The following CHD8 variants were observed in gnomAD, a reference collection of about 807,000 sequenced individuals.
CHD8 encodes ATP-dependent chromatin remodeler CHD8.
Under a neutral mutation model 279.2 loss-of-function variants are expected in CHD8, and 31 were observed. The ratio of observed to expected loss-of-function variants is 0.11; its 90% CI spans 0.08 to 0.15. The LOEUF (loss-of-function observed/expected upper bound fraction) is 0.15. Ranked by LOEUF, CHD8 falls within the 10% of genes least tolerant of loss-of-function variation. CHD8 has a pLI of 1.00. For missense variants in CHD8, 2,146 were observed against 3,230.5 expected, an observed-to-expected ratio of 0.66 and a Z score of 8.14; for synonymous variants, 1,081 against 1,139.6, an observed-to-expected ratio of 0.95 and a Z score of 1.04.
Position 21,402,367 on chromosome 14 carries a change from G to C in CHD8, c.3851C>G (p.Ser1284Cys). Residue 1284 changes from serine (S) to cysteine (C), a missense_variant, in exon 19 of 38, where the codon TCC (serine) becomes TGC (cysteine). Coordinates refer to ENST00000646647, the MANE Select transcript of CHD8 (RefSeq NM_001170629.2). This position sits in a 1 kb window ranked among gnomAD's most constrained non-coding sequence, Gnocchi z 4.5. ...KLGLDKAVLQ[S>C]MSGRDGNITG... Reference sequence around the variant, plus strand: ...AATGTTGCCATCCCGACCACTCATGGATTGAAGCACAGCCTTATCCAACCC... The same window carrying C: ...AATGTTGCCATCCCGACCACTCATGCATTGAAGCACAGCCTTATCCAACCC... 1 of 1,613,966 alleles carries C rather than the reference G, an allele frequency of 6.2e-7. No homozygotes were observed. Among genetic ancestry groups the C allele is most frequent in the Non-Finnish European group, 8.5e-7 (1 of 1,179,906 alleles).
intron 1 of CHD8, among the ~76,000 whole-genome samples, chr14:21,441,626 T>G (rs2149747): frequency 3.9e-5 from 6 of 152,000 alleles, no homozygotes; most frequent in Non-Finnish European, 7.4e-5. Context: ...TGGTGGCTCA[T>G]GCCTGTAATC....
intron 30 of CHD8, 147 bp downstream of exon 30, chr14:21,394,765 G>T (rs1437571670): frequency 2.5e-6 from 2 of 796,628 alleles, no homozygotes; most frequent in Non-Finnish European, 2.0e-6. Flanking sequence ...TGCAAGTGAG[G>T]TTTTAATTTC....
chr14:21,395,149 A>G, intron 29 of CHD8, 30 bp from the exon 30 acceptor site: 1 of 1,601,886 alleles, frequency 6.2e-7, no homozygotes, highest in Non-Finnish European at 8.5e-7. Context: ...ATGAATAGGA[A>G]GTATAGCAAG....
intron 1 of CHD8, among the ~76,000 whole-genome samples, chr14:21,450,698 G>GT (rs1481893558): frequency 6.6e-6 from 1 of 151,620 alleles, no homozygotes; most frequent in African/African-American, 2.4e-5. Flanking sequence ...AAAAAAAAGC[G>GT]TAAGACCTTA....
In CHD8 at chr14:21,415,810, G is replaced by A; in HGVS notation, c.1814C>T (p.Thr605Ile). Reference sequence around the variant, plus strand: ...GATAGGCTCAGGTTTTATTGGACCAGTTACATCCACCTCTTCTTCTTCTTC... The same window carrying A: ...GATAGGCTCAGGTTTTATTGGACCAATTACATCCACCTCTTCTTCTTCTTC... Reference protein sequence around the residue: ...DDEEEEEVDVTGPIKPEPILP... With the variant: ...DDEEEEEVDVIGPIKPEPILP... The change falls in exon 6 of 38, where the codon ACT becomes ATT. Residue 605 changes from threonine to isoleucine, a missense_variant. Coordinates refer to ENST00000646647, the MANE Select transcript of CHD8 (RefSeq NM_001170629.2). 1 of 1,613,896 alleles carries A rather than the reference G, an allele frequency of 6.2e-7. No individual in the cohort carries two copies. The highest frequency in any genetic ancestry group is 8.5e-7 in the Non-Finnish European group (1 of 1,179,832).
At chr14:21,414,256 G>A in intron 9 of CHD8, 45 bp downstream of exon 9, 1 of 963,208 alleles carries the variant, frequency 1.0e-6, no homozygotes, top group Non-Finnish European at 1.6e-6. Flanking sequence ...CCAGTAATTT[G>A]TGCTTCTGTG....
intron 4 of CHD8, chr14:21,427,590 G>T: frequency 1.4e-6 from 2 of 1,430,254 alleles, no homozygotes; most frequent in African/African-American, 2.8e-5. Context: ...ACAGTAGCAA[G>T]GAGCACTCAC....
At chr14:21,407,544 C>T (rs1888302137) in intron 13 of CHD8, among the ~76,000 whole-genome samples, 1 of 152,046 alleles carries the variant, frequency 6.6e-6, no homozygotes, top group Admixed American at 6.5e-5. Context: ...CAATAAAATT[C>T]ATGTTAATAC....
intron 37 of CHD8, among the ~76,000 whole-genome samples, chr14:21,388,032 A>G (rs187261346): frequency 2.8e-4 from 43 of 152,288 alleles, no homozygotes; most frequent in Non-Finnish European, 4.7e-4. Context: ...CCTTTCCCAT[A>G]TCAACCATTC....
intron 5 of CHD8, chr14:21,419,872 C>T: frequency 1.7e-5 from 6 of 357,986 alleles, no homozygotes; most frequent in Non-Finnish European, 3.4e-5. Flanking sequence ...GATGAGCCCC[C>T]AAAAGAAGCC....
chr14:21,391,826 C>T lies in CHD8; in HGVS notation c.6885+7G>A. 5 of 1,594,586 alleles carry T rather than the reference C, an allele frequency of 3.1e-6. No homozygotes were observed. Among genetic ancestry groups the T allele is most frequent in the Non-Finnish European group, 4.3e-6 (5 of 1,162,162 alleles). ...TCGTCAGGTTAAAGACTTTCTCTAC[C>T]ACTCACCTCTACTAGCTTCTTTCTG... On this transcript the variant is annotated splice_region_variant and intron_variant, in intron 35 of 37. Transcript: ENST00000646647.
intron 3 of CHD8, 108 bp from the exon 4 acceptor site, chr14:21,428,362 G>C (rs979855451): frequency 1.0e-5 from 10 of 967,316 alleles, no homozygotes; most frequent in Middle Eastern, 3.1e-4. Flanking sequence ...AATCCCTCAA[G>C]AATCAAGCTC....
At chr14:21,410,932 G>A (rs1888466218) in intron 10 of CHD8, among the ~76,000 whole-genome samples, 1 of 152,056 alleles carries the variant, frequency 6.6e-6, no homozygotes, top group Admixed American at 6.6e-5. Context: ...CATATTTCCA[G>A]CATAATATCT....
Position 21,393,148 on chromosome 14 carries a change from A to C in CHD8, c.6426T>G (p.Leu2142=). ...NEDGEQMTPE[L]LLLQERQRAS... ...CTCTTTGTCTTTCCTGCAGTAGCAG[A>C]AGCTCAGGGGTCATTTGTTCTCCAT... The change falls in exon 33 of 38, where the codon CTT becomes CTG. Residue 2142 remains leucine, a synonymous_variant. Transcript: ENST00000646647. 1.2e-6 allele frequency: 2 copies of C among 1,613,990 alleles called. No homozygotes were observed. The highest frequency in any genetic ancestry group is 8.5e-7 in the Non-Finnish European group (1 of 1,179,890).
intron 13 of CHD8, among the ~76,000 whole-genome samples, chr14:21,407,891 G>A (rs983277069): frequency 1.7e-4 from 26 of 152,148 alleles, no homozygotes; most frequent in African/African-American, 5.8e-4. Context: ...TTACAGGCAT[G>A]AGCCACCACG....
At chr14:21,444,644 C>A (rs1490662561) in intron 1 of CHD8, among the ~76,000 whole-genome samples, 1 of 152,064 alleles carries the variant, frequency 6.6e-6, no homozygotes, top group East Asian at 1.9e-4. Context: ...ATTTTTTTTC[C>A]CATGGCTTAC....
intron 5 of CHD8, chr14:21,419,691 C>T: frequency 4.7e-6 from 1 of 213,984 alleles, no homozygotes; most frequent in Admixed American, 5.9e-5. Context: ...TGGTGCTGGG[C>T]AAAGGCATGC....
intron 1 of CHD8, among the ~76,000 whole-genome samples, chr14:21,446,983 G>T (rs1341865368): frequency 6.6e-6 from 1 of 152,200 alleles, no homozygotes; most frequent in Non-Finnish European, 1.5e-5. Flanking sequence ...TTATCAGGTG[G>T]TAATGGGCAT....
chr14:21,433,797 C>T (rs1828367054), intron 1 of CHD8, among the ~76,000 whole-genome samples: 1 of 152,204 alleles, frequency 6.6e-6, no homozygotes, highest in East Asian at 1.9e-4. Context: ...CAGCTCATTC[C>T]AGCCTCTCAT....
Sources: gnomAD v4.1 joint callset for allele counts (sites outside exome capture counted in the v4.1 genomes callset) on GRCh38, gnomAD v4.1.1 for gene constraint, Gnocchi (gnomAD v3.1) non-coding constraint, MANE v1.5 for transcripts, NCBI Gene and HGNC (gene_info 2026-07-23, HGNC 2026-07-21) for gene names.